Variants in CD4 observed in about 807,000 individuals in gnomAD.
CD4 encodes T-cell surface glycoprotein CD4.
Under a neutral mutation model 50.5 loss-of-function variants are expected in CD4, and 25 were observed. The observed-to-expected ratio is 0.49, with a 90% CI of 0.36 to 0.69. The LOEUF (loss-of-function observed/expected upper bound fraction) is 0.69, where lower values mean the gene tolerates loss of function less well. Ranked by LOEUF, CD4 falls within the 30% of genes least tolerant of loss-of-function variation. The probability of loss-of-function intolerance (pLI) is 0.00; values close to 1 mark genes in which losing one functional copy is unlikely to be tolerated. For synonymous variants in CD4, 207 were observed against 221.9 expected, an observed-to-expected ratio of 0.93 and a Z score of 0.60; for missense variants, 456 against 548.5, an observed-to-expected ratio of 0.83 and a Z score of 1.68.
At chr12:6,819,260 T>G (rs1695690570) in intron 9 of CD4, 39 bp from the exon 10 acceptor site, 3 of 1,611,170 alleles carry the variant, frequency 1.9e-6, no homozygotes, top group Middle Eastern at 1.7e-4. Context: ...GGGGTTGCAG[T>G]GGGGACAGAC....
At chr12:6,810,809 G>A (rs1230393001) in intron 3 of CD4, among the ~76,000 whole-genome samples, 1 of 103,288 alleles carries the variant, frequency 9.7e-6, no homozygotes, top group Non-Finnish European at 2.1e-5. Flanking sequence ...TAGATCCAGG[G>A]CAAACAGCAA....
intron 3 of CD4, among the ~76,000 whole-genome samples, chr12:6,802,999 C>G (rs1383988759): frequency 6.6e-6 from 1 of 152,174 alleles, no homozygotes; most frequent in African/African-American, 2.4e-5. Flanking sequence ...TCCCAAAGTG[C>G]TGGGAGTACA....
rs1942436004 is a variant in CD4, at chr12:6,798,336, A to AT, written c.-67-1729dup. Among the ~76,000 whole-genome samples, 2 of 132,470 alleles carry AT rather than the reference A, an allele frequency of 1.5e-5. 1 individual carries two copies. The highest frequency in any genetic ancestry group is 4.4e-4 in the South Asian group (2 of 4,586). 86.9% of individuals were successfully genotyped at this position (132,470 alleles called of 152,430 possible). On this transcript the variant is annotated intron_variant, in intron 1 of 9. Transcript: ENST00000011653. ...AGGCGCCCGCCACCACGCCCGGCTA[A>AT]TTTTTTTGTATTTTTTTAGTAGAGA...
intron 3 of CD4, among the ~76,000 whole-genome samples, chr12:6,804,445 A>C (rs1334004349): frequency 6.6e-6 from 1 of 152,254 alleles, no homozygotes. Flanking sequence ...AGAATCTGTA[A>C]GAAACTTCTT....
chr12:6,818,777 C>T lies in CD4; in HGVS notation c.1279-70C>T. ...TCTCCTGTCGCAGCTTCCCCCACTC[C>T]CCCCACCAAGGGGCACCTCCCTTCT... On this transcript the variant is annotated intron_variant, in intron 8 of 9. Coordinates refer to ENST00000011653, the MANE Select transcript of CD4 (RefSeq NM_000616.5). The surrounding 1 kb of genome is among the most constrained non-coding windows in gnomAD (Gnocchi z 5.0). 1 of 1,426,142 alleles carries T rather than the reference C, an allele frequency of 7.0e-7. No homozygotes were observed. Among genetic ancestry groups the T allele is most frequent in the Admixed American group, 1.7e-5 (1 of 59,638 alleles). The allele number at this position is 1,426,142 out of a possible 1,614,324, so 88.3% of individuals were successfully genotyped here.
chr12:6,800,888 G>C (rs566187041), intron 3 of CD4, among the ~76,000 whole-genome samples: 2 of 151,328 alleles, frequency 1.3e-5, no homozygotes, highest in Admixed American at 1.3e-4. Flanking sequence ...GTGAGACTCT[G>C]TCTCTATGAA....
At chr12:6,791,075 T>C (rs1012398879) in intron 1 of CD4, among the ~76,000 whole-genome samples, 33 of 152,182 alleles carry the variant, frequency 2.2e-4, no homozygotes, top group African/African-American at 7.5e-4. Flanking sequence ...ATGATTTCCC[T>C]CTTTCAATGT....
intron 3 of CD4, among the ~76,000 whole-genome samples, chr12:6,804,436 G>C (rs1295833719): frequency 6.6e-6 from 1 of 152,162 alleles, no homozygotes; most frequent in South Asian, 2.1e-4. Context: ...AAATCTCAAA[G>C]AATCTGTAAG....
intron 1 of CD4, among the ~76,000 whole-genome samples, chr12:6,798,717 G>A (rs149538749): frequency 1.3e-5 from 2 of 152,236 alleles, no homozygotes; most frequent in African/African-American, 4.8e-5. Context: ...TCTTGGGAAC[G>A]TCACCTTAGA....
Position 6,818,767 on chromosome 12 carries a change from T to TC in CD4, c.1279-75dup. 7.4e-7 allele frequency: 1 copy of TC among 1,347,538 alleles called. No homozygotes were observed. Among genetic ancestry groups the TC allele is most frequent in the Non-Finnish European group, 1.1e-6 (1 of 937,854 alleles). The allele number at this position is 1,347,538 out of a possible 1,614,324, so 83.5% of individuals were successfully genotyped here. On this transcript the variant is annotated intron_variant, in intron 8 of 9. Transcript: ENST00000011653. This position sits in a 1 kb window ranked among gnomAD's most constrained non-coding sequence, Gnocchi z 5.0. ...TGTAACTGCTTCTCCTGTCGCAGCT[T>TC]CCCCCACTCCCCCCACCAAGGGGCA...
Position 6,818,725 on chromosome 12 carries a change from A to G in CD4, c.1279-122A>G. The G allele has an allele frequency of 1.7e-6, 2 of 1,179,242 alleles. No individual in the cohort carries two copies. Among genetic ancestry groups the G allele is most frequent in the South Asian group, 2.6e-5 (2 of 78,232 alleles). 73.0% of individuals were successfully genotyped at this position (1,179,242 alleles called of 1,614,324 possible). ...GAAGGAGCAGAGAGTTAATTCCAGGATAGATGGCCTGGGCCATGTAACTGC... is the reference window on the plus strand; with the variant it reads ...GAAGGAGCAGAGAGTTAATTCCAGGGTAGATGGCCTGGGCCATGTAACTGC... On this transcript the variant is annotated intron_variant, in intron 8 of 9. Coordinates refer to ENST00000011653, the MANE Select transcript of CD4 (RefSeq NM_000616.5). This position sits in a 1 kb window ranked among gnomAD's most constrained non-coding sequence, Gnocchi z 5.0.
Position 6,820,251 on chromosome 12 carries a change from G to A in CD4, c.*922G>A, listed in dbSNP as rs202143153. 5 of 152,222 alleles carry A rather than the reference G, an allele frequency of 3.3e-5. No homozygotes were observed. Among genetic ancestry groups the A allele is most frequent in the African/African-American group, 4.8e-5 (2 of 41,450 alleles). The allele number at this position is 152,222 out of a possible 1,614,324, so 9.4% of individuals were successfully genotyped here. A position where few individuals can be genotyped will look rare whatever the true frequency, so the allele number is the denominator to read the frequency against. On this transcript the variant is annotated 3_prime_UTR_variant, in exon 10 of 10. Coordinates refer to ENST00000011653, the MANE Select transcript of CD4 (RefSeq NM_000616.5). ...TCCATCTCAGAGAATTTACGAGCAG[G>A]GATGAAGGCCTCCCTGTCTAAAATC...
intron 1 of CD4, among the ~76,000 whole-genome samples, chr12:6,797,182 G>A (rs890982562): frequency 4.6e-5 from 7 of 152,028 alleles, no homozygotes; most frequent in Non-Finnish European, 1.0e-4. Context: ...TTTGGGAATC[G>A]CTCCTCTAAT....
chr12:6,808,276 A>T (rs1475504159), intron 3 of CD4, among the ~76,000 whole-genome samples: 1 of 149,704 alleles, frequency 6.7e-6, no homozygotes, highest in Non-Finnish European at 1.5e-5. Flanking sequence ...ACACAGTGAA[A>T]CCCCGTCTCT....
chr12:6,816,233 C>T lies in CD4; in HGVS notation c.785C>T (p.Ser262Phe), dbSNP rs1555117919. ...TTTGACCTGAAGAACAAGGAAGTGT[C>T]TGTAAAACGGGTTACCCAGGACCCT... Reference protein sequence around the residue: ...ITFDLKNKEVSVKRVTQDPKL... With the variant: ...ITFDLKNKEVFVKRVTQDPKL... Residue 262 changes from serine to phenylalanine, a missense_variant, in exon 6 of 10, where the codon TCT (serine) becomes TTT (phenylalanine). By Grantham distance (155) the Ser-to-Phe change is radical (BLOSUM62 -2). Transcript: ENST00000011653. This position sits in a 1 kb window ranked among gnomAD's most constrained non-coding sequence, Gnocchi z 4.9. 6.2e-7 allele frequency: 1 copy of T among 1,614,202 alleles called. No homozygotes were observed. Among genetic ancestry groups the T allele is most frequent in the South Asian group, 1.1e-5 (1 of 91,080 alleles).
At position 6,816,242 on chromosome 12, in the gene CD4, G is replaced by A. The variant is rs201146641; in HGVS notation, c.794G>A (p.Arg265Gln). Residue 265 changes from arginine to glutamine, a missense_variant, in exon 6 of 10, where the codon CGG (arginine) becomes CAG (glutamine). Arg to Gln is a conservative substitution (Grantham distance 43). Coordinates refer to ENST00000011653, the MANE Select transcript of CD4 (RefSeq NM_000616.5). The surrounding 1 kb of genome is among the most constrained non-coding windows in gnomAD (Gnocchi z 4.9). ...DLKNKEVSVK[R>Q]VTQDPKLQMG... ...AAGAACAAGGAAGTGTCTGTAAAACGGGTTACCCAGGACCCTAAGCTCCAG... is the reference window on the plus strand; with the variant it reads ...AAGAACAAGGAAGTGTCTGTAAAACAGGTTACCCAGGACCCTAAGCTCCAG... 16 of 1,614,194 alleles carry A rather than the reference G, an allele frequency of 9.9e-6. No homozygotes were observed. Among genetic ancestry groups the A allele is most frequent in the South Asian group, 2.2e-5 (2 of 91,082 alleles).
In CD4 at chr12:6,819,379, C is replaced by T. The variant is rs782296707; in HGVS notation, c.*50C>T. 9.5e-6 allele frequency: 15 copies of T among 1,575,940 alleles called. No homozygotes were observed. Among genetic ancestry groups the T allele is most frequent in the East Asian group, 6.7e-5 (3 of 44,702 alleles). On this transcript the variant is annotated 3_prime_UTR_variant, in exon 10 of 10. Coordinates refer to ENST00000011653, the MANE Select transcript of CD4 (RefSeq NM_000616.5). ...TTGCAGCCTCCCCAGGTGTCTGCCC[C>T]GCGTTTCCTGCCTGCGGACCAGATG...
At chr12:6,811,806 C>CTTAAA (rs1565497892) in intron 3 of CD4, among the ~76,000 whole-genome samples, 1 of 150,922 alleles carries the variant, frequency 6.6e-6, no homozygotes, top group Non-Finnish European at 1.5e-5. Context: ...CCACCGCACC[C>CTTAAA]GGCCAAAAAT....
At position 6,820,700 on chromosome 12, in the gene CD4, C is replaced by T. The variant is rs1442455071; in HGVS notation, c.*1371C>T. On this transcript the variant is annotated 3_prime_UTR_variant, in exon 10 of 10. Coordinates refer to ENST00000011653, the MANE Select transcript of CD4 (RefSeq NM_000616.5). ...TAAAGCCTGCCTCTTCCAGGAAGAC[C>T]CCCCTATTGCTGCTGGGGCTCCCCA... 3 of 152,392 alleles carry T rather than the reference C, an allele frequency of 2.0e-5. No homozygotes were observed. The highest frequency in any genetic ancestry group is 2.0e-4 in the Admixed American group (3 of 15,282). 9.4% of individuals were successfully genotyped at this position (152,392 alleles called of 1,614,324 possible). A position where few individuals can be genotyped will look rare whatever the true frequency, so the allele number is the denominator to read the frequency against.
Sources: gnomAD v4.1 joint callset for allele counts (sites outside exome capture counted in the v4.1 genomes callset) on GRCh38, gnomAD v4.1.1 for gene constraint, Gnocchi (gnomAD v3.1) non-coding constraint, MANE v1.5 for transcripts, NCBI Gene and HGNC (gene_info 2026-07-23, HGNC 2026-07-21) for gene names.